The following RAB3GAP2 variants were observed in gnomAD, a reference collection of about 807,000 sequenced individuals.
RAB3GAP2 encodes rab3 GTPase-activating protein non-catalytic subunit.
RAB3GAP2 carries 87 observed loss-of-function variants against 185.3 expected under a neutral mutation model. The observed-to-expected ratio is 0.47, with a 90% CI of 0.39 to 0.56. The LOEUF is 0.56. Ranked by LOEUF, RAB3GAP2 falls within the 20% of genes least tolerant of loss-of-function variation. The pLI is 0.00. For missense variants in RAB3GAP2, 1,492 were observed against 1,638.2 expected (o/e 0.91, Z 1.54); for synonymous variants, 554 against 576.1 (o/e 0.96, Z 0.55).
At chr1:220,159,909 C>CG (rs1657933543) in intron 28 of RAB3GAP2, among the ~76,000 whole-genome samples, 1 of 151,940 alleles carries the variant, frequency 6.6e-6, no homozygotes, top group Non-Finnish European at 1.5e-5. Flanking sequence ...CCTAGCTACT[C>CG]GGGAGGCTGA....
In RAB3GAP2 at chr1:220,191,117, T is replaced by A. The variant is rs139931996; in HGVS notation, c.1438A>T (p.Thr480Ser). Residue 480 changes from threonine to serine, a missense_variant, in exon 14 of 35, where the codon ACA becomes TCA. Thr to Ser is a moderately conservative substitution (Grantham distance 58). Transcript: ENST00000358951. ...PRRGILEVWS[T>S]QQGPRVGAFN... is the part of the protein sequence containing the mutation. ...GCTCCTACTCTAGGTCCCTGCTGTG[T>A]GCTCCACACTTCTAAAATTCCCCTT... The A allele has an allele frequency of 1.2e-6, 2 of 1,614,044 alleles. No individual in the cohort carries two copies. Among genetic ancestry groups the A allele is most frequent in the African/African-American group, 2.7e-5 (2 of 75,030 alleles).
chr1:220,179,945 C>T (rs1377910980), intron 21 of RAB3GAP2, among the ~76,000 whole-genome samples: 2 of 152,010 alleles, frequency 1.3e-5, no homozygotes, highest in Non-Finnish European at 2.9e-5. Context: ...AGGCAGATCA[C>T]GAGGTCAAGA....
At chr1:220,228,996 G>A (rs1659452135) in intron 2 of RAB3GAP2, among the ~76,000 whole-genome samples, 1 of 152,170 alleles carries the variant, frequency 6.6e-6, no homozygotes, top group Non-Finnish European at 1.5e-5. Context: ...TTGTTTAAAA[G>A]ATCCTTACAT....
intron 1 of RAB3GAP2, among the ~76,000 whole-genome samples, chr1:220,268,896 C>T (rs560546555): frequency 6.6e-6 from 1 of 152,170 alleles, no homozygotes; most frequent in Non-Finnish European, 1.5e-5. Context: ...ATATTATAGG[C>T]ATTAGCCACT....
At chr1:220,208,049 G>A (rs900324851) in intron 7 of RAB3GAP2, 1 of 152,116 alleles carries the variant, frequency 6.6e-6, no homozygotes, top group African/African-American at 2.4e-5. Flanking sequence ...GCTGTTTAAC[G>A]TAGCATACAG....
intron 21 of RAB3GAP2, among the ~76,000 whole-genome samples, chr1:220,181,846 T>C (rs1412322478): frequency 2.6e-5 from 4 of 151,840 alleles, no homozygotes; most frequent in African/African-American, 9.7e-5. Context: ...GGCCAGGAGT[T>C]TGAGACAAGC....
At position 220,196,514 on chromosome 1, in the gene RAB3GAP2, T is replaced by C. The variant is rs535584358; in HGVS notation, c.812-116A>G. 46 of 1,062,036 alleles carry C rather than the reference T, an allele frequency of 4.3e-5. No homozygotes were observed. In the South Asian group the frequency reaches 5.9e-4, roughly 14 times the overall value. 65.8% of individuals were successfully genotyped at this position (1,062,036 alleles called of 1,614,324 possible). A position where few individuals can be genotyped will look rare whatever the true frequency, so the allele number is the denominator to read the frequency against. ...AGTTTTATTTAATAACCAAAAGTCA[T>C]TTTAAAAGCTACAAAGTCAACATCA... is the stretch of plus-strand genomic sequence containing the variant. On this transcript the variant is annotated intron_variant, in intron 9 of 34. Coordinates refer to ENST00000358951, the MANE Select transcript of RAB3GAP2 (RefSeq NM_012414.4).
At chr1:220,217,514 TAA>T (rs1019113958) in intron 2 of RAB3GAP2, among the ~76,000 whole-genome samples, 1 of 152,066 alleles carries the variant, frequency 6.6e-6, no homozygotes. Flanking sequence ...TTACTGCAAT[TAA>T]AAGTCTTACT....
At chr1:220,178,251 C>T (rs1658333598) in intron 21 of RAB3GAP2, among the ~76,000 whole-genome samples, 1 of 151,996 alleles carries the variant, frequency 6.6e-6, no homozygotes, top group African/African-American at 2.4e-5. Context: ...CAAACGAAAG[C>T]TGAGGGAATT....
At chr1:220,175,573 AT>A (rs1351560451) in intron 21 of RAB3GAP2, among the ~76,000 whole-genome samples, 2 of 152,208 alleles carry the variant, frequency 1.3e-5, no homozygotes, top group African/African-American at 4.8e-5. Context: ...AGCTTGGTTC[AT>A]TTCCCCATCA....
chr1:220,182,457 TGAAG>T, intron 20 of RAB3GAP2, 103 bp from the exon 21 acceptor site: 1 of 1,548,940 alleles, frequency 6.5e-7, no homozygotes, highest in Non-Finnish European at 8.7e-7. Flanking sequence ...CAAAACATTA[TGAAG>T]GAAGAGAAAT....
chr1:220,237,026 T>C (rs760433788), intron 1 of RAB3GAP2, among the ~76,000 whole-genome samples: 28 of 152,348 alleles, frequency 1.8e-4, no homozygotes, highest in Non-Finnish European at 3.4e-4. Flanking sequence ...TGGCTCACCA[T>C]GATTGTTTCT....
chr1:220,193,647 G>C (rs770837538), intron 12 of RAB3GAP2, among the ~76,000 whole-genome samples: 15 of 152,074 alleles, frequency 9.9e-5, no homozygotes, highest in Non-Finnish European at 1.9e-4. Flanking sequence ...AACTATATTT[G>C]ATTAAAAGGC....
intron 1 of RAB3GAP2, among the ~76,000 whole-genome samples, chr1:220,238,793 T>C (rs1269274542): frequency 1.3e-5 from 2 of 152,244 alleles, no homozygotes; most frequent in Non-Finnish European, 2.9e-5. Context: ...CTACAGCATT[T>C]GACTGTGTTT....
intron 1 of RAB3GAP2, among the ~76,000 whole-genome samples, chr1:220,243,302 C>G (rs940156650): frequency 7.4e-5 from 11 of 149,624 alleles, no homozygotes; most frequent in African/African-American, 2.7e-4. Flanking sequence ...TGCAGTAAGC[C>G]GAGATCGTGC....
chr1:220,195,423 GAAAC>G, intron 10 of RAB3GAP2, 46 bp from the exon 11 acceptor site: 1 of 1,460,966 alleles, frequency 6.8e-7, no homozygotes, highest in Non-Finnish European at 9.6e-7. Flanking sequence ...AGCTTACAAA[GAAAC>G]AAACATACTT....
At chr1:220,254,487 T>G in intron 1 of RAB3GAP2, 1 of 1,613,574 alleles carries the variant, frequency 6.2e-7, no homozygotes, top group Non-Finnish European at 8.5e-7. Flanking sequence ...CAACTTTGTT[T>G]AGTGCCAGCG....
At position 220,212,907 on chromosome 1, in the gene RAB3GAP2, A is replaced by T; in HGVS notation, c.366T>A (p.Gly122=). 4 of 1,613,592 alleles carry T rather than the reference A, an allele frequency of 2.5e-6. No homozygotes were observed. The South Asian group carries it at 3.3e-5, about 13-fold the overall frequency. The change falls in exon 4 of 35, where the codon GGT becomes GGA. Residue 122 remains glycine (G), a synonymous_variant. Transcript: ENST00000358951. ...EEMQFAVGWS[G]SLNVEEGECV... ...CCTACCCTTCTTCGACATTTAAGGA[A>T]CCACTCCAGCCAACAGCAAATTGCA...
chr1:220,266,006 T>C (rs933804462), intron 1 of RAB3GAP2: 4 of 152,426 alleles, frequency 2.6e-5, no homozygotes, highest in Non-Finnish European at 5.9e-5. Context: ...GTATTTACTT[T>C]ATAAAAACAA....
Sources: allele counts gnomAD v4.1 joint callset (sites outside exome capture counted in the v4.1 genomes callset), GRCh38; gene constraint gnomAD v4.1.1; transcripts MANE v1.5; gene names NCBI Gene and HGNC (gene_info 2026-07-23, HGNC 2026-07-21).